The following CUEDC1 variants were observed in gnomAD, a reference collection of about 807,000 sequenced individuals.
CUEDC1 encodes CUE domain-containing protein 1.
In CUEDC1, 30 loss-of-function variants were observed where a neutral mutation model predicts 43.7. The ratio of observed to expected loss-of-function variants is 0.69; its 90% CI spans 0.51 to 0.93. The LOEUF (loss-of-function observed/expected upper bound fraction) is 0.93, where lower values mean the gene tolerates loss of function less well. Among genes scored for constraint, CUEDC1 ranks in the 40% least tolerant of loss-of-function variants. The pLI, the probability that CUEDC1 is intolerant of heterozygous loss-of-function variation, is 0.00. For synonymous variants in CUEDC1, 223 were observed against 223.6 expected (o/e 1.00, Z 0.02); for missense variants, 486 against 549.0 (o/e 0.89, Z 1.15).
intron 1 of CUEDC1, among the ~76,000 whole-genome samples, chr17:57,893,450 C>T (rs956061918): frequency 3.3e-5 from 5 of 152,210 alleles, no homozygotes; most frequent in Non-Finnish European, 5.9e-5. Context: ...CTATTAATGT[C>T]GCTGCAGCTT....
chr17:57,887,355 C>T lies in CUEDC1; in HGVS notation c.-315-1476G>A, dbSNP rs141546933. Among the ~76,000 whole-genome samples the T allele has an allele frequency of 6.1e-3, 932 of 152,250 alleles. 3 individuals carry two copies. Among genetic ancestry groups the T allele is most frequent in the Non-Finnish European group, 9.4e-3 (641 of 68,012 alleles). On this transcript the variant is annotated intron_variant, in intron 1 of 10. Transcript: ENST00000577830. The stretch of plus-strand genomic sequence containing the variant: ...AGCACAGACCACTGGGAATGGAATG[C>T]GCCTAAACACCAACTTCTGACAGTG...
At chr17:57,897,674 G>T (rs1244611287) in intron 1 of CUEDC1, among the ~76,000 whole-genome samples, 3 of 132,028 alleles carry the variant, frequency 2.3e-5, no homozygotes, top group African/African-American at 8.3e-5. Context: ...AAAAAAAAAA[G>T]TTTTTCTAGA....
intron 1 of CUEDC1, among the ~76,000 whole-genome samples, chr17:57,901,247 T>C (rs2074468316): frequency 6.6e-6 from 1 of 152,198 alleles, no homozygotes; most frequent in Admixed American, 6.5e-5. Flanking sequence ...TCCAAGACTC[T>C]TTTCACCTCC....
At chr17:57,926,422 G>A (rs181059502) in intron 1 of CUEDC1, among the ~76,000 whole-genome samples, 1 of 152,208 alleles carries the variant, frequency 6.6e-6, no homozygotes, top group Admixed American at 6.5e-5. Context: ...TGAAATAGGT[G>A]TGATTCCCAT....
intron 1 of CUEDC1, among the ~76,000 whole-genome samples, chr17:57,932,202 A>C (rs563863255): frequency 7.3e-4 from 110 of 150,462 alleles, no homozygotes; most frequent in African/African-American, 2.5e-3. Flanking sequence ...GAATCTCTTG[A>C]ACCCGGGAGG....
At chr17:57,913,623 C>A (rs1362425891) in intron 1 of CUEDC1, among the ~76,000 whole-genome samples, 1 of 152,076 alleles carries the variant, frequency 6.6e-6, no homozygotes, top group East Asian at 1.9e-4. Flanking sequence ...GGACAGGGCC[C>A]AGGGACTCTA....
chr17:57,921,339 C>T (rs1341325657), intron 1 of CUEDC1, among the ~76,000 whole-genome samples: 1 of 151,882 alleles, frequency 6.6e-6, no homozygotes, highest in Non-Finnish European at 1.5e-5. Flanking sequence ...ATGCAACGGC[C>T]GAGTGTTTTC....
chr17:57,934,253 G>A (rs186496266), intron 1 of CUEDC1, among the ~76,000 whole-genome samples: 3 of 152,176 alleles, frequency 2.0e-5, no homozygotes, highest in African/African-American at 7.2e-5. Context: ...TTAGCCAGGC[G>A]TGGTGACACG....
At position 57,896,487 on chromosome 17, in the gene CUEDC1, G is replaced by GGGGGGGGTGTGT. The variant is rs375270781; in HGVS notation, c.-315-10609_-315-10608insACACACCCCCCC. ...GTCACTCTACTATAGTGCATTATGGGGTGTGTGTGTGTGTGTGTGTGTGTG... is the reference window on the plus strand; with the variant it reads ...GTCACTCTACTATAGTGCATTATGGGGGGGGGGTGTGTGTGTGTGTGTGTGTGTGTGTGTGTG... On this transcript the variant is annotated intron_variant, in intron 1 of 10. Transcript: ENST00000577830. Among the ~76,000 whole-genome samples, 297 of 130,344 alleles carry GGGGGGGGTGTGT rather than the reference G, an allele frequency of 2.3e-3. 3 individuals carry two copies. The highest frequency in any genetic ancestry group is 0.012 in the Middle Eastern group (3 of 260). The allele number at this position is 130,344 out of a possible 152,430, so 85.5% of individuals were successfully genotyped here.
intron 1 of CUEDC1, among the ~76,000 whole-genome samples, chr17:57,905,838 A>G (rs1195894471): frequency 1.3e-5 from 2 of 152,198 alleles, no homozygotes; most frequent in Non-Finnish European, 2.9e-5. Context: ...GGCAGCAGTT[A>G]CCTAAAAGGA....
chr17:57,877,356 C>CCCT (rs2144942905), intron 3 of CUEDC1, among the ~76,000 whole-genome samples: 1 of 152,172 alleles, frequency 6.6e-6, no homozygotes, highest in African/African-American at 2.4e-5. Flanking sequence ...TTCAGCCAAG[C>CCCT]GTGACGGTAT....
At chr17:57,864,999 A>G (rs576556636) in intron 10 of CUEDC1, among the ~76,000 whole-genome samples, 1 of 152,264 alleles carries the variant, frequency 6.6e-6, no homozygotes, top group South Asian at 2.1e-4. Context: ...GAAGGTTGCA[A>G]TGAGCCAAGA....
chr17:57,927,280 G>A lies in CUEDC1; in HGVS notation c.-316+27945C>T, dbSNP rs527462192. ...GCCCTCATTCCAGGGTGCCTGAGAGGCACTTCCTCCTCCTCCCCACTCCCC... is the reference window on the plus strand; with the variant it reads ...GCCCTCATTCCAGGGTGCCTGAGAGACACTTCCTCCTCCTCCCCACTCCCC... On this transcript the variant is annotated intron_variant, in intron 1 of 10. Transcript: ENST00000577830. Among the ~76,000 whole-genome samples, 8 of 151,980 alleles carry A rather than the reference G, an allele frequency of 5.3e-5. No homozygotes were observed. In the South Asian group the frequency reaches 1.5e-3, roughly 28 times the overall value.
At chr17:57,928,302 C>A (rs1237725722) in intron 1 of CUEDC1, among the ~76,000 whole-genome samples, 1 of 152,122 alleles carries the variant, frequency 6.6e-6, no homozygotes, top group African/African-American at 2.4e-5. Context: ...ATAATCCCAG[C>A]ACTTTGGGAG....
intron 1 of CUEDC1, among the ~76,000 whole-genome samples, chr17:57,908,008 C>A (rs1165600247): frequency 6.6e-6 from 1 of 152,046 alleles, no homozygotes; most frequent in African/African-American, 2.4e-5. Flanking sequence ...AGCTGAACAC[C>A]GTTGTGACTG....
At chr17:57,891,827 C>A (rs1176950919) in intron 1 of CUEDC1, among the ~76,000 whole-genome samples, 1 of 152,174 alleles carries the variant, frequency 6.6e-6, no homozygotes, top group East Asian at 1.9e-4. Flanking sequence ...GGCAAGTCCA[C>A]CCCCCAACAT....
At chr17:57,940,793 TA>T (rs1355798677) in intron 1 of CUEDC1, among the ~76,000 whole-genome samples, 2 of 152,160 alleles carry the variant, frequency 1.3e-5, no homozygotes, top group African/African-American at 4.8e-5. Context: ...CAGTAGTTTT[TA>T]AAAAAATACA....
intron 1 of CUEDC1, among the ~76,000 whole-genome samples, chr17:57,947,181 C>G (rs530819617): frequency 4.0e-5 from 6 of 151,794 alleles, no homozygotes; most frequent in Non-Finnish European, 8.8e-5. Context: ...CAGTGCCCTC[C>G]TAACATCAAA....
At chr17:57,885,157 G>A in intron 2 of CUEDC1, 72 bp downstream of exon 2, 12 of 1,477,786 alleles carry the variant, frequency 8.1e-6, no homozygotes, top group Admixed American at 2.4e-5. Context: ...GGAATTACCC[G>A]GGCCGTGCCC....
Sources: gnomAD v4.1 joint callset for allele counts (sites outside exome capture counted in the v4.1 genomes callset) on GRCh38, gnomAD v4.1.1 for gene constraint, MANE v1.5 for transcripts, NCBI Gene and HGNC (gene_info 2026-07-23, HGNC 2026-07-21) for gene names.